Variants in ATXN7L1 observed in about 807,000 individuals in gnomAD.
ATXN7L1 encodes ataxin-7-like protein 1.
In ATXN7L1, 15 loss-of-function variants were observed where a neutral mutation model predicts 70.8. That is an observed-to-expected ratio of 0.21 (90% CI 0.14 to 0.33). ATXN7L1 has a LOEUF of 0.33. Among genes scored for constraint, ATXN7L1 ranks in the 10% least tolerant of loss-of-function variants. ATXN7L1 has a pLI of 1.00. For missense variants in ATXN7L1, 975 were observed against 1,097.1 expected (o/e 0.89, Z 1.57); for synonymous variants, 440 against 445.1 (o/e 0.99, Z 0.14).
At chr7:105,653,441 C>CT (rs1371324363) in intron 4 of ATXN7L1, among the ~76,000 whole-genome samples, 14 of 152,188 alleles carry the variant, frequency 9.2e-5, no homozygotes, top group Non-Finnish European at 1.5e-5. Context: ...GGGAGAGACT[C>CT]TGTCTCAAAC....
chr7:105,828,567 A>C (rs532951599), intron 2 of ATXN7L1, among the ~76,000 whole-genome samples: 14 of 152,362 alleles, frequency 9.2e-5, no homozygotes, highest in South Asian at 2.1e-4. Flanking sequence ...GGAGGCAACA[A>C]AGAGAAATAA....
chr7:105,662,074 CCTTCCTT>C (rs1801763905), intron 4 of ATXN7L1, among the ~76,000 whole-genome samples: 3 of 83,114 alleles, frequency 3.6e-5, no homozygotes, highest in Admixed American at 2.8e-4. Context: ...TTCCTTCCTT[CCTTCCTT>C]CTTTCTTTTC....
chr7:105,686,564 C>A (rs1806208457), intron 3 of ATXN7L1, among the ~76,000 whole-genome samples: 1 of 152,152 alleles, frequency 6.6e-6, no homozygotes, highest in Non-Finnish European at 1.5e-5. Flanking sequence ...ATATAATAAC[C>A]TACTGAACCT....
chr7:105,720,902 C>G (rs1795109622), intron 3 of ATXN7L1, among the ~76,000 whole-genome samples: 1 of 152,192 alleles, frequency 6.6e-6, no homozygotes, highest in African/African-American at 2.4e-5. Flanking sequence ...TCCCTCCACT[C>G]AGGCCAAGCT....
At chr7:105,776,060 C>A (rs1265525751) in intron 3 of ATXN7L1, among the ~76,000 whole-genome samples, 2 of 152,102 alleles carry the variant, frequency 1.3e-5, no homozygotes, top group Non-Finnish European at 2.9e-5. Context: ...AGGGAGAATT[C>A]CGAGATGACC....
At chr7:105,727,458 C>T (rs1465303331) in intron 3 of ATXN7L1, among the ~76,000 whole-genome samples, 1 of 151,702 alleles carries the variant, frequency 6.6e-6, no homozygotes, top group Non-Finnish European at 1.5e-5. Context: ...CACGTGAGGT[C>T]AGGAGTTCAA....
chr7:105,812,688 T>G (rs1308213042), intron 2 of ATXN7L1, among the ~76,000 whole-genome samples: 1 of 152,132 alleles, frequency 6.6e-6, no homozygotes, highest in Non-Finnish European at 1.5e-5. Flanking sequence ...GTTCTAGGTG[T>G]CAGGAATTCA....
intron 3 of ATXN7L1, among the ~76,000 whole-genome samples, chr7:105,733,577 T>TCCACCCAA (rs1796894136): frequency 1.3e-5 from 1 of 79,592 alleles, no homozygotes; most frequent in Non-Finnish European, 2.6e-5. Flanking sequence ...CTTCCATCCA[T>TCCACCCAA]CCACCCATCC....
At chr7:105,679,007 C>T (rs1020801407) in intron 3 of ATXN7L1, 2 of 923,898 alleles carry the variant, frequency 2.2e-6, no homozygotes, top group African/African-American at 1.8e-5. Context: ...TGCGCCCAGC[C>T]CCACGCCGTC....
At chr7:105,843,936 T>C (rs749977544) in intron 2 of ATXN7L1, among the ~76,000 whole-genome samples, 10 of 152,216 alleles carry the variant, frequency 6.6e-5, no homozygotes, top group Non-Finnish European at 5.9e-5. Flanking sequence ...CTGGGCAGTT[T>C]TCCCTTACAA....
intron 2 of ATXN7L1, among the ~76,000 whole-genome samples, chr7:105,822,239 G>A (rs375839736): frequency 2.0e-5 from 3 of 152,182 alleles, no homozygotes; most frequent in Non-Finnish European, 2.9e-5. Flanking sequence ...GGAGTTTAAG[G>A]CAGCGTAGGC....
chr7:105,767,416 G>T (rs372326107), intron 3 of ATXN7L1, among the ~76,000 whole-genome samples: 1 of 152,088 alleles, frequency 6.6e-6, no homozygotes, highest in African/African-American at 2.4e-5. Flanking sequence ...CCCGCCATGC[G>T]TCCTCTCTGG....
At chr7:105,755,853 T>C (rs1268646476) in intron 3 of ATXN7L1, among the ~76,000 whole-genome samples, 4 of 152,160 alleles carry the variant, frequency 2.6e-5, no homozygotes, top group Non-Finnish European at 4.4e-5. Context: ...ATGCTCTGCG[T>C]TGGGAGGGAT....
chr7:105,872,071 C>G (rs1818353673), intron 2 of ATXN7L1, among the ~76,000 whole-genome samples: 1 of 151,854 alleles, frequency 6.6e-6, no homozygotes, highest in Non-Finnish European at 1.5e-5. Context: ...TGGCTCACTG[C>G]AAGCTCCGCC....
Position 105,614,489 on chromosome 7 carries a change from G to C in ATXN7L1, c.1845C>G (p.Ser615=). 6.5e-7 allele frequency: 1 copy of C among 1,534,558 alleles called. No individual in the cohort carries two copies. Among genetic ancestry groups the C allele is most frequent in the Non-Finnish European group, 8.8e-7 (1 of 1,137,328 alleles). ...TGGTTTTGGTTTTGGATGGCTTGTGGGATGGGGAAGGGATGACGGCTGGTA... is the reference window on the plus strand; with the variant it reads ...TGGTTTTGGTTTTGGATGGCTTGTGCGATGGGGAAGGGATGACGGCTGGTA... ...SPIPAVIPSP[S]HKPSKTKTSK... The change falls in exon 10 of 12, where the codon TCC becomes TCG. Residue 615 remains serine, a synonymous_variant. Coordinates refer to ENST00000419735, the MANE Select transcript of ATXN7L1 (RefSeq NM_020725.2). This position sits in a 1 kb window ranked among gnomAD's most constrained non-coding sequence, Gnocchi z 4.3.
At chr7:105,707,537 C>A (rs1190811277) in intron 3 of ATXN7L1, among the ~76,000 whole-genome samples, 1 of 152,062 alleles carries the variant, frequency 6.6e-6, no homozygotes, top group African/African-American at 2.4e-5. Context: ...CAGGGCATAC[C>A]AAAGAAGCCA....
rs1053561727 is a variant in ATXN7L1, at chr7:105,812,317, C to T, written c.251-23609G>A. On this transcript the variant is annotated intron_variant, in intron 2 of 11. Transcript: ENST00000419735. ...TTTGGAGTCAACGAAAACATATGAA[C>T]TTTAAAAGCAAGGTTTCTTAAGTTA... Among the ~76,000 whole-genome samples, 3 of 152,190 alleles carry T rather than the reference C, an allele frequency of 2.0e-5. No homozygotes were observed. In the South Asian group the frequency reaches 6.2e-4, roughly 32 times the overall value.
chr7:105,733,745 A>T (rs1456169190), intron 3 of ATXN7L1, among the ~76,000 whole-genome samples: 41 of 53,948 alleles, frequency 7.6e-4, no homozygotes, highest in African/African-American at 1.4e-3. Context: ...CATCCACCCA[A>T]CCACCCATCC....
At chr7:105,784,446 A>G (rs1355885623) in intron 3 of ATXN7L1, among the ~76,000 whole-genome samples, 4 of 151,968 alleles carry the variant, frequency 2.6e-5, no homozygotes, top group East Asian at 3.9e-4. Context: ...ACACACACAC[A>G]CACACACACA....
Sources: gnomAD v4.1 joint callset for allele counts (sites outside exome capture counted in the v4.1 genomes callset) on GRCh38, gnomAD v4.1.1 for gene constraint, Gnocchi (gnomAD v3.1) non-coding constraint, MANE v1.5 for transcripts, NCBI Gene and HGNC (gene_info 2026-07-23, HGNC 2026-07-21) for gene names.